WHAMM: variants seen among roughly 807,000 people sequenced by gnomAD.
WHAMM encodes the protein WASP homolog-associated protein with actin, membranes and microtubules.
In WHAMM, 67 loss-of-function variants were observed where a neutral mutation model predicts 76.5. The ratio of observed to expected loss-of-function variants is 0.88; its 90% CI spans 0.72 to 1.07. WHAMM has a LOEUF of 1.07. Ranked by LOEUF, WHAMM falls within the 50% of genes least tolerant of loss-of-function variation. WHAMM has a pLI of 0.00. For synonymous variants in WHAMM, 419 were observed against 422.1 expected (o/e 0.99, Z 0.09); for missense variants, 1,021 against 1,051.1 (o/e 0.97, Z 0.40).
intron 6 of WHAMM, among the ~76,000 whole-genome samples, chr15:82,823,593 T>A (rs1332256195): frequency 2.0e-5 from 3 of 152,064 alleles, no homozygotes; most frequent in African/African-American, 4.8e-5. Context: ...TGAGACAGAG[T>A]CTTGCTCTGT....
chr15:82,818,485 C>T (rs1485357352), intron 4 of WHAMM, among the ~76,000 whole-genome samples: 1 of 152,200 alleles, frequency 6.6e-6, no homozygotes, highest in Non-Finnish European at 1.5e-5. Flanking sequence ...ATAAAGTTTT[C>T]CTTTGGTTAA....
intron 8 of WHAMM, among the ~76,000 whole-genome samples, chr15:82,829,032 G>A (rs749938341): frequency 1.3e-5 from 2 of 152,216 alleles, no homozygotes; most frequent in Non-Finnish European, 1.5e-5. Context: ...TTGGAAGGGA[G>A]GAAGTAGGAG....
chr15:82,815,137 AT>A (rs1245410031), intron 2 of WHAMM, among the ~76,000 whole-genome samples: 2,292 of 37,442 alleles, frequency 0.061, 219 homozygotes, highest in African/African-American at 0.26. Flanking sequence ...ATATATATAT[AT>A]ATATATATAT....
Position 82,823,650 on chromosome 15 carries a change from C to G in WHAMM, c.1458+363C>G, listed in dbSNP as rs568873243. Among the ~76,000 whole-genome samples, 26 of 152,282 alleles carry G rather than the reference C, an allele frequency of 1.7e-4. No individual in the cohort carries two copies. In the South Asian group the frequency reaches 4.1e-3, roughly 24 times the overall value. On this transcript the variant is annotated intron_variant, in intron 6 of 9. Coordinates refer to ENST00000286760, the MANE Select transcript of WHAMM (RefSeq NM_001080435.3). Reference sequence around the variant, plus strand: ...GCATGATGTTGGCTCACTGCAACTTCTGCCTCCTAGGTTCAAGCGATCCTC... The same window carrying G: ...GCATGATGTTGGCTCACTGCAACTTGTGCCTCCTAGGTTCAAGCGATCCTC...
At position 82,833,598 on chromosome 15, in the gene WHAMM, C is replaced by A; in HGVS notation, c.*62C>A. On this transcript the variant is annotated 3_prime_UTR_variant, in exon 10 of 10. Coordinates refer to ENST00000286760, the MANE Select transcript of WHAMM (RefSeq NM_001080435.3). ...TGAATAAAGTGGGTGAGTCTTAGAC[C>A]TATCGAAAAGCATACTAACAGGGTG... 2 of 1,543,736 alleles carry A rather than the reference C, an allele frequency of 1.3e-6. No homozygotes were observed. Among genetic ancestry groups the A allele is most frequent in the Non-Finnish European group, 8.8e-7 (1 of 1,142,800 alleles).
chr15:82,809,697 C>A lies in WHAMM; in HGVS notation c.-30C>A. On this transcript the variant is annotated 5_prime_UTR_variant, in exon 1 of 10. Coordinates refer to ENST00000286760, the MANE Select transcript of WHAMM (RefSeq NM_001080435.3). ...GCGAGGAGGCCAGGCCCGCGCCCGC[C>A]GAGCCCTAGGGCCGCTGCTGCCGAC... The A allele has an allele frequency of 7.4e-7, 1 of 1,356,720 alleles. No individual in the cohort carries two copies. Among genetic ancestry groups the A allele is most frequent in the South Asian group, 1.7e-5 (1 of 59,736 alleles). 84.0% of individuals were successfully genotyped at this position (1,356,720 alleles called of 1,614,324 possible). A position where few individuals can be genotyped will look rare whatever the true frequency, so the allele number is the denominator to read the frequency against.
Position 82,810,168 on chromosome 15 carries a change from C to A in WHAMM, c.442C>A (p.Gln148Lys), listed in dbSNP as rs2050602415. 1.4e-6 allele frequency: 2 copies of A among 1,400,918 alleles called. No homozygotes were observed. Among genetic ancestry groups the A allele is most frequent in the Non-Finnish European group, 1.9e-6 (2 of 1,072,958 alleles). 86.8% of individuals were successfully genotyped at this position (1,400,918 alleles called of 1,614,324 possible). Residue 148 changes from glutamine to lysine, a missense_variant, in exon 1 of 10, where the codon CAG becomes AAG. Coordinates refer to ENST00000286760, the MANE Select transcript of WHAMM (RefSeq NM_001080435.3). ...GGCGGCGCTGCAGGAGCTGTGCGGG[C>A]AGCTGGAACGCTATCTGGGCGCGGC... is the stretch of plus-strand genomic sequence containing the variant. ...GEAALQELCG[Q>K]LERYLGAAAD...
Position 82,822,861 on chromosome 15 carries a change from T to C in WHAMM, c.1271-239T>C, listed in dbSNP as rs368576239. Among the ~76,000 whole-genome samples the C allele has an allele frequency of 3.9e-5, 6 of 152,068 alleles. No individual in the cohort carries two copies. In the East Asian group the frequency reaches 7.7e-4, roughly 20 times the overall value. On this transcript the variant is annotated intron_variant, in intron 5 of 9. Coordinates refer to ENST00000286760, the MANE Select transcript of WHAMM (RefSeq NM_001080435.3). Reference sequence around the variant, plus strand: ...ATACACACATATGTCTATATACATGTATGTATACATGCATACACTACATGG... The same window carrying C: ...ATACACACATATGTCTATATACATGCATGTATACATGCATACACTACATGG...
Position 82,833,409 on chromosome 15 carries a change from CAACCAGCA to C in WHAMM, c.2305_2312del (p.Thr769GlnfsTer5). 1 of 1,614,028 alleles carries C rather than the reference CAACCAGCA, an allele frequency of 6.2e-7. No individual in the cohort carries two copies. Among genetic ancestry groups the C allele is most frequent in the Non-Finnish European group, 8.5e-7 (1 of 1,179,904 alleles). ...CTTGGCCCAAACCCCAGCAGCAAAC[CAACCAGCA>C]ACAGACGCACCAGTGACCTTGAGAG... On this transcript the variant is annotated frameshift_variant, in exon 10 of 10. Coordinates refer to ENST00000286760, the MANE Select transcript of WHAMM (RefSeq NM_001080435.3). LOFTEE classifies it high-confidence loss of function.
Position 82,834,969 on chromosome 15 carries a change from A to G in WHAMM, c.*1433A>G, listed in dbSNP as rs1407809915. 1 of 152,156 alleles carries G rather than the reference A, an allele frequency of 6.6e-6. No homozygotes were observed. Among genetic ancestry groups the G allele is most frequent in the African/African-American group, 2.4e-5 (1 of 41,430 alleles). 9.4% of individuals were successfully genotyped at this position (152,156 alleles called of 1,614,324 possible). A position where few individuals can be genotyped will look rare whatever the true frequency, so the allele number is the denominator to read the frequency against. ...CAGGGAAGGGGAAGGGACTGATGCA[A>G]AGCAGTCCGTTCATTTCTCAGACTG... On this transcript the variant is annotated 3_prime_UTR_variant, in exon 10 of 10. Coordinates refer to ENST00000286760, the MANE Select transcript of WHAMM (RefSeq NM_001080435.3).
intron 8 of WHAMM, among the ~76,000 whole-genome samples, 173 bp from the exon 9 acceptor site, chr15:82,830,426 T>TA (rs1240601697): frequency 2.6e-5 from 4 of 152,342 alleles, no homozygotes; most frequent in South Asian, 2.1e-4. Flanking sequence ...ATCTTTTTTT[T>TA]AATCCATGAA....
intron 6 of WHAMM, 140 bp from the exon 7 acceptor site, chr15:82,826,270 G>A (rs2050931518): frequency 1.3e-6 from 1 of 770,026 alleles, no homozygotes; most frequent in African/African-American, 1.7e-5. Context: ...GGAGGAGACA[G>A]TACCATTGGG....
chr15:82,821,719 T>C (rs2151565495), intron 5 of WHAMM, among the ~76,000 whole-genome samples: 1 of 152,364 alleles, frequency 6.6e-6, no homozygotes, highest in Middle Eastern at 3.4e-3. Flanking sequence ...AGATGAAATT[T>C]AGAATCAAGT....
intron 8 of WHAMM, among the ~76,000 whole-genome samples, chr15:82,828,396 G>A (rs1036960012): frequency 3.3e-5 from 5 of 152,202 alleles, no homozygotes; most frequent in Admixed American, 2.0e-4. Context: ...ATTCTGATGT[G>A]ATTGCCCTGG....
In WHAMM at chr15:82,833,787, T is replaced by TG; in HGVS notation, c.*255dup. 2.1e-6 allele frequency: 1 copy of TG among 465,506 alleles called. No individual in the cohort carries two copies. Among genetic ancestry groups the TG allele is most frequent in the East Asian group, 3.9e-5 (1 of 25,868 alleles). The allele number at this position is 465,506 out of a possible 1,614,324, so 28.8% of individuals were successfully genotyped here. On this transcript the variant is annotated 3_prime_UTR_variant, in exon 10 of 10. Transcript: ENST00000286760. ...TCACCGCAAGCTCCGCTTCCCAGGC[T>TG]GGGGTGCAGTGGTGCGATCTTGGCT...
chr15:82,820,740 C>T (rs1378107196), intron 5 of WHAMM, among the ~76,000 whole-genome samples: 4 of 151,770 alleles, frequency 2.6e-5, no homozygotes, highest in African/African-American at 9.7e-5. Flanking sequence ...ACTAAAAATA[C>T]AAAAATTAGC....
In WHAMM at chr15:82,815,045, C is replaced by T. The variant is rs191886591; in HGVS notation, c.784-1647C>T. Reference sequence around the variant, plus strand: ...TCGGCCTCCCAGAGTGCTGGGATTACAGGCGTGAGCCACCGCACCCGGCCT... The same window carrying T: ...TCGGCCTCCCAGAGTGCTGGGATTATAGGCGTGAGCCACCGCACCCGGCCT... On this transcript the variant is annotated intron_variant, in intron 2 of 9. Transcript: ENST00000286760. Among the ~76,000 whole-genome samples, 610 of 146,220 alleles carry T rather than the reference C, an allele frequency of 4.2e-3. 24 individuals are homozygous for T. Among genetic ancestry groups the T allele is most frequent in the Admixed American group, 0.037 (540 of 14,540 alleles).
chr15:82,812,267 C>CG (rs2050640750), intron 1 of WHAMM, among the ~76,000 whole-genome samples: 1 of 152,224 alleles, frequency 6.6e-6, no homozygotes, highest in African/African-American at 2.4e-5. Context: ...TTGGCACTGT[C>CG]GCCCAGGCTG....
rs1225013029 is a variant in WHAMM at position 82,833,430 on chromosome 15, G to A, written c.2324G>A (p.Ser775Asn). The A allele has an allele frequency of 6.2e-7, 1 of 1,614,030 alleles. No individual in the cohort carries two copies. Among genetic ancestry groups the A allele is most frequent in the Admixed American group, 1.7e-5 (1 of 60,022 alleles). ...SSKPTSNRRT[S>N]DLERSIKAAL... ...AAACCAACCAGCAACAGACGCACCA[G>A]TGACCTTGAGAGGAGCATCAAGGCT... The change falls in exon 10 of 10, where the codon AGT becomes AAT. Residue 775 changes from serine (S) to asparagine (N), a missense_variant. Transcript: ENST00000286760.
Sources: gnomAD v4.1 joint callset for allele counts (sites outside exome capture counted in the v4.1 genomes callset) on GRCh38, gnomAD v4.1.1 for gene constraint, MANE v1.5 for transcripts, NCBI Gene and HGNC (gene_info 2026-07-23, HGNC 2026-07-21) for gene names.